Variants in PTPRD observed in about 807,000 individuals in gnomAD.
PTPRD encodes the protein receptor-type tyrosine-protein phosphatase delta.
PTPRD carries 34 observed loss-of-function variants against 214.5 expected under a neutral mutation model. That is an observed-to-expected ratio of 0.16 (90% CI 0.12 to 0.21). The LOEUF (loss-of-function observed/expected upper bound fraction) is 0.21. Ranked by LOEUF, PTPRD falls within the 10% of genes least tolerant of loss-of-function variation. The probability of loss-of-function intolerance (pLI) is 1.00; values close to 1 mark genes in which losing one functional copy is unlikely to be tolerated. For missense variants in PTPRD, 2,545 were observed against 2,398.7 expected (o/e 1.06, Z -1.27); for synonymous variants, 1,128 against 845.7 (o/e 1.33, Z -5.79).
chr9:10,418,113 G>A (rs910067463), intron 2 of PTPRD, among the ~76,000 whole-genome samples: 3 of 151,620 alleles, frequency 2.0e-5, no homozygotes, highest in Admixed American at 6.6e-5. Context: ...GAAATATATG[G>A]CGCTTGCTAT....
chr9:10,285,757 C>G (rs1242757380), intron 3 of PTPRD, among the ~76,000 whole-genome samples: 2 of 151,886 alleles, frequency 1.3e-5, no homozygotes. Context: ...ATTACAGGCG[C>G]CTGCCACCAT....
At chr9:10,589,189 G>C (rs1279646035) in intron 2 of PTPRD, among the ~76,000 whole-genome samples, 1 of 151,974 alleles carries the variant, frequency 6.6e-6, no homozygotes, top group East Asian at 1.9e-4. Context: ...CCTATAAAAG[G>C]ATTTCAGAAA....
intron 12 of PTPRD, among the ~76,000 whole-genome samples, chr9:8,681,684 A>C (rs946226397): frequency 6.6e-6 from 1 of 152,218 alleles, no homozygotes. Context: ...CATATAGACA[A>C]GTTGCTTTTG....
chr9:8,623,057 G>A (rs1212376951), intron 14 of PTPRD, among the ~76,000 whole-genome samples: 1 of 151,854 alleles, frequency 6.6e-6, no homozygotes, highest in Admixed American at 6.6e-5. Flanking sequence ...GGACTCAGGT[G>A]GGAAGATCCC....
intron 2 of PTPRD, among the ~76,000 whole-genome samples, chr9:10,425,512 T>C (rs1187485236): frequency 6.6e-6 from 1 of 151,976 alleles, no homozygotes; most frequent in African/African-American, 2.4e-5. Flanking sequence ...AGGTATGTCC[T>C]TATAGCATAG....
intron 14 of PTPRD, among the ~76,000 whole-genome samples, chr9:8,580,768 T>C (rs1376346392): frequency 6.6e-6 from 1 of 152,134 alleles, no homozygotes; most frequent in African/African-American, 2.4e-5. Flanking sequence ...TTGTATGTAC[T>C]CACGCACACA....
At chr9:8,484,913 G>A (rs569836878) in intron 29 of PTPRD, among the ~76,000 whole-genome samples, 2 of 152,112 alleles carry the variant, frequency 1.3e-5, no homozygotes, top group South Asian at 4.1e-4. Context: ...AATATAAATA[G>A]GTAGAAACCA....
At chr9:10,384,426 C>T (rs564401625) in intron 2 of PTPRD, among the ~76,000 whole-genome samples, 24 of 151,166 alleles carry the variant, frequency 1.6e-4, no homozygotes, top group Non-Finnish European at 3.2e-4. Flanking sequence ...TCTATATGAT[C>T]AAAAATAATA....
At chr9:8,920,519 C>T (rs2098820210) in intron 11 of PTPRD, among the ~76,000 whole-genome samples, 1 of 152,100 alleles carries the variant, frequency 6.6e-6, no homozygotes. Context: ...CCCTGGGCCA[C>T]ACTGGAAGAA....
At chr9:10,199,907 ACACG>A (rs765769202) in intron 3 of PTPRD, among the ~76,000 whole-genome samples, 9,860 of 144,358 alleles carry the variant, frequency 0.068, 514 homozygotes, top group African/African-American at 0.15. Flanking sequence ...TCGCGCGCAC[ACACG>A]CACACACACA....
chr9:8,637,710 C>G (rs1253041824), intron 12 of PTPRD, among the ~76,000 whole-genome samples: 1 of 152,124 alleles, frequency 6.6e-6, no homozygotes, highest in East Asian at 1.9e-4. Context: ...AGATATTCAT[C>G]ATATCATTTG....
At chr9:9,079,093 C>T (rs2099755331) in intron 10 of PTPRD, among the ~76,000 whole-genome samples, 1 of 151,992 alleles carries the variant, frequency 6.6e-6, no homozygotes, top group Admixed American at 6.6e-5. Flanking sequence ...TTATTTGAAA[C>T]TATATATTAC....
At chr9:8,781,991 A>C (rs533491110) in intron 11 of PTPRD, among the ~76,000 whole-genome samples, 5 of 151,960 alleles carry the variant, frequency 3.3e-5, no homozygotes, top group Admixed American at 1.3e-4. Flanking sequence ...TTTATTTTTC[A>C]AACGGACAAA....
chr9:10,272,411 T>C (rs2094470748), intron 3 of PTPRD, among the ~76,000 whole-genome samples: 1 of 152,218 alleles, frequency 6.6e-6, no homozygotes, highest in Admixed American at 6.5e-5. Flanking sequence ...CTGTGAACAT[T>C]TACGTACAAA....
intron 8 of PTPRD, among the ~76,000 whole-genome samples, chr9:9,458,732 G>C (rs1236822459): frequency 6.6e-6 from 1 of 152,038 alleles, no homozygotes; most frequent in Non-Finnish European, 1.5e-5. Context: ...CTTCAGTCCA[G>C]GAATCCTAGA....
intron 39 of PTPRD, among the ~76,000 whole-genome samples, chr9:8,345,586 G>C (rs907146098): frequency 3.3e-5 from 5 of 152,040 alleles, no homozygotes; most frequent in African/African-American, 1.2e-4. Flanking sequence ...GTTAATGGTA[G>C]CAAGGGTGGA....
At chr9:9,879,881 G>C (rs1278818919) in intron 5 of PTPRD, among the ~76,000 whole-genome samples, 1 of 152,190 alleles carries the variant, frequency 6.6e-6, no homozygotes, top group African/African-American at 2.4e-5. Flanking sequence ...ATCACTGCCA[G>C]TTGGGTCAGT....
intron 39 of PTPRD, among the ~76,000 whole-genome samples, chr9:8,363,895 C>G (rs769987778): frequency 4.6e-5 from 7 of 152,206 alleles, no homozygotes; most frequent in African/African-American, 1.7e-4. Context: ...AAAAGGGATT[C>G]TCTTCTGATT....
chr9:8,817,150 A>C (rs2096937042), intron 11 of PTPRD, among the ~76,000 whole-genome samples: 1 of 152,228 alleles, frequency 6.6e-6, no homozygotes, highest in African/African-American at 2.4e-5. Context: ...ATAGTTTCAC[A>C]CTAGGGCAAC....
Sources: gnomAD v4.1 joint callset for allele counts (sites outside exome capture counted in the v4.1 genomes callset) on GRCh38, gnomAD v4.1.1 for gene constraint, MANE v1.5 for transcripts, NCBI Gene and HGNC (gene_info 2026-07-23, HGNC 2026-07-21) for gene names.